The following ARHGEF3 variants were observed in gnomAD, a reference collection of about 807,000 sequenced individuals.
ARHGEF3 encodes 59.8 kDA protein.
ARHGEF3 carries 28 observed loss-of-function variants against 63.2 expected under a neutral mutation model. The ratio of observed to expected loss-of-function variants is 0.44; its 90% confidence interval spans 0.33 to 0.61. The LOEUF (loss-of-function observed/expected upper bound fraction) is 0.61, where lower values mean the gene tolerates loss of function less well. ARHGEF3 is among the 20% of genes least tolerant of loss of function. The pLI is 0.03. For synonymous variants in ARHGEF3, 266 were observed against 254.2 expected, an observed-to-expected ratio of 1.05 and a Z score of -0.44; for missense variants, 533 against 659.3, an observed-to-expected ratio of 0.81 and a Z score of 2.10.
intron 4 of ARHGEF3, among the ~76,000 whole-genome samples, chr3:56,752,214 C>T (rs139961380): frequency 0.015 from 2,224 of 151,216 alleles, 44 homozygotes; most frequent in African/African-American, 0.051. Context: ...AGCCACAGCA[C>T]CCAGCCTAAT....
chr3:56,977,416 C>T (rs1255096543), intron 2 of ARHGEF3: 1 of 425,624 alleles, frequency 2.3e-6, no homozygotes, highest in South Asian at 1.7e-5. Context: ...GCCATGCTGC[C>T]GCCATGGCAA....
intron 3 of ARHGEF3, among the ~76,000 whole-genome samples, chr3:56,913,913 G>A (rs768751059): frequency 1.3e-5 from 2 of 152,104 alleles, no homozygotes; most frequent in Admixed American, 1.3e-4. Context: ...TAAATAAACC[G>A]TGGTATATTT....
intron 9 of ARHGEF3, among the ~76,000 whole-genome samples, chr3:56,731,342 C>T (rs2033142116): frequency 6.6e-6 from 1 of 152,052 alleles, no homozygotes. Flanking sequence ...ACCAGCCTGG[C>T]CAACATGGCA....
chr3:56,810,212 C>T (rs2038015638), intron 4 of ARHGEF3, among the ~76,000 whole-genome samples: 1 of 152,096 alleles, frequency 6.6e-6, no homozygotes, highest in Non-Finnish European at 1.5e-5. Flanking sequence ...CGTATTTTGT[C>T]GAACCTAAGA....
rs563781897 is a variant in ARHGEF3, at chr3:56,738,146, T to G, written c.871-791A>C. Among the ~76,000 whole-genome samples, 11 of 152,254 alleles carry G rather than the reference T, an allele frequency of 7.2e-5. No individual in the cohort carries two copies. In the South Asian group the frequency reaches 8.3e-4, roughly 11 times the overall value. ...GCAACCTCCACCTCCTGGGTTCAAGTGATTCTACTGCCTCAGCCTCCTGAG... is the reference window on the plus strand; with the variant it reads ...GCAACCTCCACCTCCTGGGTTCAAGGGATTCTACTGCCTCAGCCTCCTGAG... On this transcript the variant is annotated intron_variant, in intron 7 of 9. Transcript: ENST00000296315.
At chr3:56,983,170 T>C (rs940126241) in intron 2 of ARHGEF3, among the ~76,000 whole-genome samples, 6 of 152,188 alleles carry the variant, frequency 3.9e-5, no homozygotes, top group Non-Finnish European at 5.9e-5. Flanking sequence ...ATGTATTTAT[T>C]TTTGAGGTAG....
chr3:56,854,043 A>C (rs1022027778), intron 4 of ARHGEF3, among the ~76,000 whole-genome samples: 12 of 152,020 alleles, frequency 7.9e-5, no homozygotes, highest in Non-Finnish European at 1.5e-4. Flanking sequence ...AAAATAGAAA[A>C]ATCTAGCCGG....
intron 3 of ARHGEF3, among the ~76,000 whole-genome samples, chr3:56,911,101 C>A (rs2041842068): frequency 6.6e-6 from 1 of 152,074 alleles, no homozygotes; most frequent in Admixed American, 6.6e-5. Flanking sequence ...ACTGCAAAAT[C>A]CAGAACTTGA....
At chr3:56,849,346 T>C (rs1298729659) in intron 4 of ARHGEF3, among the ~76,000 whole-genome samples, 3 of 152,320 alleles carry the variant, frequency 2.0e-5, no homozygotes, top group South Asian at 4.1e-4. Context: ...CAGGTAAATA[T>C]ATATACAATC....
chr3:57,044,303 C>A (rs1009463200), intron 1 of ARHGEF3, among the ~76,000 whole-genome samples: 2 of 152,182 alleles, frequency 1.3e-5, no homozygotes, highest in African/African-American at 4.8e-5. Context: ...CCAGCTGAAG[C>A]AATAAAGTGG....
At chr3:56,773,617 T>C in intron 2 of ARHGEF3, 92 bp downstream of exon 2, 1 of 1,151,998 alleles carries the variant, frequency 8.7e-7, no homozygotes, top group Non-Finnish European at 1.2e-6. Context: ...TCAGGTCACT[T>C]TGAAACCAGG....
At chr3:56,793,459 G>T (rs1282139691) in intron 1 of ARHGEF3, among the ~76,000 whole-genome samples, 1 of 151,516 alleles carries the variant, frequency 6.6e-6, no homozygotes, top group Middle Eastern at 3.4e-3. Context: ...GTGAGCCACC[G>T]TGCCCAGCAA....
At chr3:56,873,638 G>C (rs2040501302) in intron 4 of ARHGEF3, among the ~76,000 whole-genome samples, 1 of 152,082 alleles carries the variant, frequency 6.6e-6, no homozygotes, top group African/African-American at 2.4e-5. Flanking sequence ...TGGAACTCCT[G>C]GGCTCAAGCA....
chr3:57,074,278 T>A, intron 1 of ARHGEF3: 1 of 1,598,712 alleles, frequency 6.3e-7, no homozygotes, highest in South Asian at 1.1e-5. Context: ...TCAATAATAA[T>A]CCTGCAACAT....
At chr3:56,894,055 G>A (rs759063419) in intron 3 of ARHGEF3, among the ~76,000 whole-genome samples, 14 of 152,030 alleles carry the variant, frequency 9.2e-5, no homozygotes, top group Admixed American at 1.3e-4. Context: ...CCTGCACACC[G>A]TGTGGAAAGC....
At chr3:57,026,807 C>T (rs558884265) in intron 2 of ARHGEF3, among the ~76,000 whole-genome samples, 1 of 152,322 alleles carries the variant, frequency 6.6e-6, no homozygotes, top group South Asian at 2.1e-4. Flanking sequence ...CTCGATTGTG[C>T]ACTAGGTGCC....
intron 2 of ARHGEF3, among the ~76,000 whole-genome samples, chr3:56,963,714 C>A (rs1275378236): frequency 6.6e-6 from 1 of 152,096 alleles, no homozygotes; most frequent in Admixed American, 6.5e-5. Flanking sequence ...GAAATCTGTG[C>A]CGAATGTGGT....
intron 3 of ARHGEF3, among the ~76,000 whole-genome samples, chr3:56,886,811 G>C (rs886708343): frequency 3.3e-5 from 5 of 152,132 alleles, no homozygotes; most frequent in East Asian, 1.9e-4. Context: ...GGAGATGAAG[G>C]CTCAAAAAGG....
intron 4 of ARHGEF3, among the ~76,000 whole-genome samples, chr3:56,859,152 T>C (rs1428026635): frequency 6.6e-6 from 1 of 152,126 alleles, no homozygotes; most frequent in Non-Finnish European, 1.5e-5. Flanking sequence ...TTAAGTTGAC[T>C]GTATTATTGT....
Sources: allele counts gnomAD v4.1 joint callset (sites outside exome capture counted in the v4.1 genomes callset), GRCh38; gene constraint gnomAD v4.1.1; transcripts MANE v1.5; gene names NCBI Gene and HGNC (gene_info 2026-07-23, HGNC 2026-07-21).